Variants in ADAMTS7 observed in about 807,000 individuals in gnomAD.
ADAMTS7 encodes A disintegrin and metalloproteinase with thrombospondin motifs 7.
In ADAMTS7, 89 loss-of-function variants were observed where a neutral mutation model predicts 172.6. The ratio of observed to expected loss-of-function variants is 0.52; its 90% CI spans 0.43 to 0.61. The LOEUF (loss-of-function observed/expected upper bound fraction) is 0.61, where lower values mean the gene tolerates loss of function less well. Among genes scored for constraint, ADAMTS7 ranks in the 20% least tolerant of loss-of-function variants. The probability of loss-of-function intolerance (pLI) is 0.00; values close to 1 mark genes in which losing one functional copy is unlikely to be tolerated. For synonymous variants in ADAMTS7, 885 were observed against 978.4 expected, an observed-to-expected ratio of 0.90 and a Z score of 1.78; for missense variants, 1,973 against 2,355.6, an observed-to-expected ratio of 0.84 and a Z score of 3.36.
chr15:78,786,237 A>G (rs1186644520), intron 8 of ADAMTS7, among the ~76,000 whole-genome samples: 1 of 152,094 alleles, frequency 6.6e-6, no homozygotes, highest in Non-Finnish European at 1.5e-5. Context: ...AGGTCCGGAC[A>G]GTAAGCAAGG....
intron 23 of ADAMTS7, among the ~76,000 whole-genome samples, chr15:78,760,160 T>C (rs559260518): frequency 0.011 from 1,660 of 150,144 alleles, 119 homozygotes; most frequent in Admixed American, 0.083. Context: ...TGAGTGGGCC[T>C]TACAGGCCGT....
intron 1 of ADAMTS7, among the ~76,000 whole-genome samples, chr15:78,801,216 A>T (rs2055721080): frequency 6.6e-6 from 1 of 152,098 alleles, no homozygotes; most frequent in African/African-American, 2.4e-5. Flanking sequence ...CTCTCCTGCA[A>T]TGGCGCCCAT....
chr15:78,788,169 C>G, intron 8 of ADAMTS7, 62 bp downstream of exon 8: 4 of 1,593,160 alleles, frequency 2.5e-6, no homozygotes, highest in Non-Finnish European at 3.4e-6. Context: ...CTGTCTGCAT[C>G]TCTCCCAGTA....
chr15:78,790,638 T>A, intron 6 of ADAMTS7, 32 bp downstream of exon 6: 1 of 1,610,468 alleles, frequency 6.2e-7, no homozygotes, highest in Middle Eastern at 2.0e-4. Context: ...CCTCCTGAGA[T>A]GCAGGCTCCC....
At position 78,771,129 on chromosome 15, in the gene ADAMTS7, T is replaced by G. The variant is rs747370327; in HGVS notation, c.2518+33A>C. 1.1e-4 allele frequency: 173 copies of G among 1,569,890 alleles called. No homozygotes were observed. Among genetic ancestry groups the G allele is most frequent in the Non-Finnish European group, 1.4e-4 (164 of 1,155,690 alleles). ...TGTCCCTGTCCAGACACTAAGCCCC[T>G]GCAGGTGGGGCTGTGCCTGCCCCAC... On this transcript the variant is annotated intron_variant, in intron 16 of 23. Coordinates refer to ENST00000388820, the MANE Select transcript of ADAMTS7 (RefSeq NM_014272.5). This position sits in a 1 kb window ranked among gnomAD's most constrained non-coding sequence, Gnocchi z 4.9.
intron 4 of ADAMTS7, among the ~76,000 whole-genome samples, chr15:78,795,168 C>A (rs2055626873): frequency 6.6e-6 from 1 of 152,232 alleles, no homozygotes. Context: ...AAGGAGGGAA[C>A]CTCAGGGCCT....
intron 1 of ADAMTS7, among the ~76,000 whole-genome samples, chr15:78,805,882 A>G (rs1433702701): frequency 2.6e-5 from 4 of 151,992 alleles, no homozygotes; most frequent in Admixed American, 2.6e-4. Flanking sequence ...GGAGTTCGAG[A>G]CCAGCCTGGG....
intron 1 of ADAMTS7, among the ~76,000 whole-genome samples, chr15:78,806,327 A>T (rs1052766325): frequency 6.6e-6 from 1 of 152,134 alleles, no homozygotes; most frequent in African/African-American, 2.4e-5. Context: ...AGTGAAGACA[A>T]GAAGGGCCTC....
intron 3 of ADAMTS7, among the ~76,000 whole-genome samples, chr15:78,797,040 G>A (rs2055655093): frequency 6.6e-6 from 1 of 152,210 alleles, no homozygotes; most frequent in African/African-American, 2.4e-5. Context: ...GACCTCAAAG[G>A]GCAAATGAAA....
chr15:78,800,435 A>C lies in ADAMTS7; in HGVS notation c.213T>G (p.Asp71Glu). 1 of 1,610,904 alleles carries C rather than the reference A, an allele frequency of 6.2e-7. No individual in the cohort carries two copies. Among genetic ancestry groups the C allele is most frequent in the Non-Finnish European group, 8.5e-7 (1 of 1,178,988 alleles). ...CGGGCGCGTCTCGGCGCACAGATAC[A>C]TCCCGCTTGCGCAGTGCGCGGGGCC... ...ELWPRALRKR[D>E]VSVRRDAPAF... The change falls in exon 2 of 24, where the codon GAT becomes GAG. Residue 71 changes from aspartate to glutamate, a missense_variant. Asp to Glu is a conservative substitution (Grantham distance 45). Around this residue, in one of 8 missense-constraint regions of ADAMTS7, gnomAD observed 306 missense variants for 288.0 expected, o/e 1.06. Coordinates refer to ENST00000388820, the MANE Select transcript of ADAMTS7 (RefSeq NM_014272.5).
At position 78,759,278 on chromosome 15, in the gene ADAMTS7, C is replaced by T; in HGVS notation, c.*143G>A. On this transcript the variant is annotated 3_prime_UTR_variant, in exon 24 of 24. Transcript: ENST00000388820. ...ACAAACTGTTAGAATAAAAAAATAC[C>T]TTTTTTGAGGGGGAGGAGGTCCCCA... The T allele has an allele frequency of 1.5e-6, 1 of 687,878 alleles. No homozygotes were observed. Among genetic ancestry groups the T allele is most frequent in the Non-Finnish European group, 2.2e-6 (1 of 451,776 alleles). The allele number at this position is 687,878 out of a possible 1,614,324, so 42.6% of individuals were successfully genotyped here.
intron 18 of ADAMTS7, 91 bp from the exon 19 acceptor site, chr15:78,767,142 A>G (rs903953180): frequency 7.3e-7 from 1 of 1,375,152 alleles, no homozygotes. Context: ...CCACTGCCCG[A>G]TGTCAGAGTG....
Position 78,800,562 on chromosome 15 carries a change from C to A in ADAMTS7, c.101-15G>T, listed in dbSNP as rs929768402. ...GGTTGCACGTCCTGCAGGGAGAGAA[C>A]CACAAACGCCTAGGCCCAGGGCAGA... On this transcript the variant is annotated splice_polypyrimidine_tract_variant and intron_variant, in intron 1 of 23. Transcript: ENST00000388820. 1.3e-6 allele frequency: 2 copies of A among 1,573,466 alleles called. No homozygotes were observed. The highest frequency in any genetic ancestry group is 1.7e-6 in the Non-Finnish European group (2 of 1,159,736).
At chr15:78,760,009 C>A (rs2055016929) in intron 23 of ADAMTS7, among the ~76,000 whole-genome samples, 2 of 152,114 alleles carry the variant, frequency 1.3e-5, no homozygotes, top group Non-Finnish European at 2.9e-5. Context: ...GCCACCGCCC[C>A]CTGCCCCAGT....
intron 1 of ADAMTS7, among the ~76,000 whole-genome samples, chr15:78,807,138 A>C (rs1416410504): frequency 2.6e-5 from 4 of 152,218 alleles, no homozygotes; most frequent in African/African-American, 9.6e-5. Flanking sequence ...AGGCAGCTAA[A>C]GATGAGCTGA....
At chr15:78,774,984 C>G (rs1458181836) in intron 11 of ADAMTS7, among the ~76,000 whole-genome samples, 191 bp from the exon 12 acceptor site, 1 of 152,228 alleles carries the variant, frequency 6.6e-6, no homozygotes, top group Non-Finnish European at 1.5e-5. Context: ...TTGTAAGGAC[C>G]TGTGGGGAGG....
At chr15:78,784,448 T>G (rs911895070) in intron 8 of ADAMTS7, among the ~76,000 whole-genome samples, 10 of 138,162 alleles carry the variant, frequency 7.2e-5, no homozygotes, top group African/African-American at 1.6e-4. Flanking sequence ...GAAAAGAAAA[T>G]AAAATAGAAA....
At chr15:78,783,953 A>T (rs2055467109) in intron 8 of ADAMTS7, among the ~76,000 whole-genome samples, 2 of 152,204 alleles carry the variant, frequency 1.3e-5, no homozygotes, top group South Asian at 4.1e-4. Context: ...AGTATTTCAG[A>T]TGAGACACTC....
chr15:78,809,520 G>A (rs1250797546), intron 1 of ADAMTS7, among the ~76,000 whole-genome samples: 1 of 152,124 alleles, frequency 6.6e-6, no homozygotes, highest in Non-Finnish European at 1.5e-5. Context: ...GGGAGTCCTG[G>A]GTCGGCCTGG....
Sources: gnomAD v4.1 joint callset for allele counts (sites outside exome capture counted in the v4.1 genomes callset) on GRCh38, gnomAD v4.1.1 for gene constraint, gnomAD v4.1.1 regional missense constraint, Gnocchi (gnomAD v3.1) non-coding constraint, MANE v1.5 for transcripts, NCBI Gene and HGNC (gene_info 2026-07-23, HGNC 2026-07-21) for gene names.